Variants in MAST4 observed in about 807,000 individuals in gnomAD.
The protein encoded by MAST4 is microtubule-associated serine/threonine-protein kinase 4.
Under a neutral mutation model 162.7 loss-of-function variants are expected in MAST4, and 89 were observed. The observed-to-expected ratio is 0.55, with a 90% CI of 0.46 to 0.65. The LOEUF (loss-of-function observed/expected upper bound fraction) is 0.65, where lower values mean the gene tolerates loss of function less well. Ranked by LOEUF, MAST4 falls within the 30% of genes least tolerant of loss-of-function variation. The probability of loss-of-function intolerance (pLI) is 0.00; values close to 1 mark genes in which losing one functional copy is unlikely to be tolerated. For synonymous variants in MAST4, 1,479 were observed against 1,361.1 expected, an observed-to-expected ratio of 1.09 and a Z score of -1.91; for missense variants, 3,153 against 3,374.0, an observed-to-expected ratio of 0.93 and a Z score of 1.62.
intron 1 of MAST4, among the ~76,000 whole-genome samples, chr5:66,622,023 G>A (rs148396617): frequency 1.8e-4 from 27 of 152,134 alleles, no homozygotes; most frequent in East Asian, 1.7e-3. Flanking sequence ...ATCATGCAGC[G>A]GGCCAGATTT....
At chr5:66,920,907 C>T (rs1764490417) in intron 4 of MAST4, among the ~76,000 whole-genome samples, 1 of 152,028 alleles carries the variant, frequency 6.6e-6, no homozygotes, top group South Asian at 2.1e-4. Flanking sequence ...TAAACATAAA[C>T]AACCAGAAAG....
At chr5:66,860,426 A>G (rs959217225) in intron 3 of MAST4, among the ~76,000 whole-genome samples, 6 of 152,202 alleles carry the variant, frequency 3.9e-5, no homozygotes, top group Non-Finnish European at 8.8e-5. Flanking sequence ...TGCCCATAAC[A>G]GAGGTTCACA....
chr5:66,745,523 A>ACTGCTCTGTGCTCCATC (rs1176776985), intron 1 of MAST4, among the ~76,000 whole-genome samples: 2 of 152,238 alleles, frequency 1.3e-5, no homozygotes, highest in Non-Finnish European at 2.9e-5. Context: ...ACAGCTCCGT[A>ACTGCTCTGTGCTCCATC]CTGCTCTGTG....
At position 67,119,470 on chromosome 5, in the gene MAST4, A is replaced by G. The variant is rs142596426; in HGVS notation, c.1659+721A>G. On this transcript the variant is annotated intron_variant, in intron 13 of 28. Coordinates refer to ENST00000403625, the MANE Select transcript of MAST4 (RefSeq NM_001164664.2). ...CAGTCTGTGTAGCCTGGGGGATAAGAACCCAGGCTCTGGAGTCAGGTTGCC... is the reference window on the plus strand; with the variant it reads ...CAGTCTGTGTAGCCTGGGGGATAAGGACCCAGGCTCTGGAGTCAGGTTGCC... 5.7e-3 allele frequency among the ~76,000 whole-genome samples: 871 copies of G among 152,140 alleles called. 8 individuals carry two copies. Among genetic ancestry groups the G allele is most frequent in the East Asian group, 0.03 (154 of 5,174 alleles).
At chr5:66,939,174 A>G (rs1370258108) in intron 4 of MAST4, among the ~76,000 whole-genome samples, 1 of 152,146 alleles carries the variant, frequency 6.6e-6, no homozygotes, top group Non-Finnish European at 1.5e-5. Flanking sequence ...TTCATCAGAG[A>G]ATTGAAATTT....
intron 4 of MAST4, among the ~76,000 whole-genome samples, chr5:66,932,912 G>A (rs750568265): frequency 2.5e-4 from 38 of 151,950 alleles, no homozygotes; most frequent in Middle Eastern, 3.4e-3. Flanking sequence ...ACATTGTGTT[G>A]GGGCTTTCAA....
At chr5:66,953,066 A>G (rs1355987917) in intron 4 of MAST4, among the ~76,000 whole-genome samples, 2 of 152,232 alleles carry the variant, frequency 1.3e-5, no homozygotes, top group Non-Finnish European at 2.9e-5. Flanking sequence ...TGTTGAGACA[A>G]TGACAATGTT....
At chr5:66,986,549 C>T (rs1210579882) in intron 4 of MAST4, 4 of 1,345,496 alleles carry the variant, frequency 3.0e-6, no homozygotes, top group African/African-American at 3.0e-5. Flanking sequence ...AGTACTTTCT[C>T]TCTGTCTTTC....
chr5:66,900,401 A>G (rs1762934402), intron 4 of MAST4, among the ~76,000 whole-genome samples: 1 of 152,076 alleles, frequency 6.6e-6, no homozygotes, highest in Non-Finnish European at 1.5e-5. Context: ...TGAATCAGTT[A>G]AACTTTCCAT....
At position 66,596,583 on chromosome 5, in the gene MAST4, C is replaced by T; in HGVS notation, c.-73C>T. The T allele has an allele frequency of 1.5e-6, 2 of 1,349,152 alleles. No individual in the cohort carries two copies. Among genetic ancestry groups the T allele is most frequent in the Non-Finnish European group, 9.5e-7 (1 of 1,054,082 alleles). 83.6% of individuals were successfully genotyped at this position (1,349,152 alleles called of 1,614,324 possible). Reference sequence around the variant, plus strand: ...CAGTGAGCCTGAGCCCAGGAGCCCGCGTCTTCCCCGGGAGGCGCTGAGTGC... The same window carrying T: ...CAGTGAGCCTGAGCCCAGGAGCCCGTGTCTTCCCCGGGAGGCGCTGAGTGC... On this transcript the variant is annotated 5_prime_UTR_variant, in exon 1 of 29. Coordinates refer to ENST00000403625, the MANE Select transcript of MAST4 (RefSeq NM_001164664.2).
intron 4 of MAST4, among the ~76,000 whole-genome samples, chr5:66,951,853 G>GT (rs1249351868): frequency 6.6e-6 from 1 of 151,930 alleles, no homozygotes; most frequent in Non-Finnish European, 1.5e-5. Context: ...TAACCTGTAA[G>GT]TTTTTTTCTC....
chr5:66,641,834 CA>C (rs977063795), intron 1 of MAST4, among the ~76,000 whole-genome samples: 2 of 151,820 alleles, frequency 1.3e-5, no homozygotes, highest in African/African-American at 4.8e-5. Context: ...AAAATTATAC[CA>C]AAAAAACCTA....
At position 67,100,567 on chromosome 5, in the gene MAST4, A is replaced by G; in HGVS notation, c.1045A>G (p.Met349Val). The G allele has an allele frequency of 1.2e-6, 2 of 1,613,880 alleles. No individual in the cohort carries two copies. The highest frequency in any genetic ancestry group is 8.5e-7 in the Non-Finnish European group (1 of 1,179,844). ...ATENRCRNTPMRPRSRSLSPG... is the reference protein window; with the variant it reads ...ATENRCRNTPVRPRSRSLSPG... ...TGAGAACAGATGCAGGAACACGCCGATGCGCCCCCGTTCCCGAAGTCTGAG... is the reference window on the plus strand; with the variant it reads ...TGAGAACAGATGCAGGAACACGCCGGTGCGCCCCCGTTCCCGAAGTCTGAG... The change falls in exon 8 of 29, where the codon ATG becomes GTG. Residue 349 changes from methionine (M) to valine (V), a missense_variant. Coordinates refer to ENST00000403625, the MANE Select transcript of MAST4 (RefSeq NM_001164664.2).
intron 4 of MAST4, among the ~76,000 whole-genome samples, chr5:66,939,125 A>G (rs1035519949): frequency 2.0e-5 from 3 of 152,196 alleles, no homozygotes; most frequent in Non-Finnish European, 2.9e-5. Flanking sequence ...ATCAGTTAAC[A>G]AAATAGGTAA....
intron 1 of MAST4, among the ~76,000 whole-genome samples, chr5:66,618,195 C>G (rs1234159923): frequency 6.6e-6 from 1 of 152,212 alleles, no homozygotes; most frequent in Non-Finnish European, 1.5e-5. Context: ...CTTTTCTGCG[C>G]AGGAACTACG....
chr5:67,095,558 C>T (rs775044238), intron 6 of MAST4, 39 bp from the exon 7 acceptor site: 25 of 1,513,192 alleles, frequency 1.7e-5, no homozygotes, highest in South Asian at 8.5e-5. Flanking sequence ...TGTGACAGTA[C>T]GCCAGTGTTG....
intron 4 of MAST4, chr5:66,986,502 A>G: frequency 6.4e-7 from 1 of 1,561,672 alleles, no homozygotes; most frequent in Non-Finnish European, 8.7e-7. Flanking sequence ...CACCACATTA[A>G]ATAAAACATA....
At position 67,147,463 on chromosome 5, in the gene MAST4, G is replaced by A. The variant is rs556892695; in HGVS notation, c.3095-1926G>A. Among the ~76,000 whole-genome samples the A allele has an allele frequency of 1.2e-3, 179 of 152,300 alleles. 1 individual carries two copies. The highest frequency in any genetic ancestry group is 4.1e-3 in the African/African-American group (169 of 41,566). ...GAGGCAAGAGGGAGAGGTGACACAAGGTTGTATATCCACACTCTGGCATTT... is the reference window on the plus strand; with the variant it reads ...GAGGCAAGAGGGAGAGGTGACACAAAGTTGTATATCCACACTCTGGCATTT... On this transcript the variant is annotated intron_variant, in intron 23 of 28. Transcript: ENST00000403625.
intron 4 of MAST4, 107 bp from the exon 5 acceptor site, chr5:67,054,297 C>A: frequency 2.6e-6 from 2 of 777,984 alleles, no homozygotes; most frequent in South Asian, 2.0e-5. Context: ...TTAACAATAA[C>A]ATGAGCAGAT....
Sources: gnomAD v4.1 joint callset for allele counts (sites outside exome capture counted in the v4.1 genomes callset) on GRCh38, gnomAD v4.1.1 for gene constraint, MANE v1.5 for transcripts, NCBI Gene and HGNC (gene_info 2026-07-23, HGNC 2026-07-21) for gene names.